LRP2: variants seen among roughly 807,000 people sequenced by gnomAD.
The protein encoded by LRP2 is low-density lipoprotein receptor-related protein 2.
LRP2 carries 172 observed loss-of-function variants against 531.0 expected under a neutral mutation model. The observed-to-expected ratio is 0.32, with a 90% CI of 0.29 to 0.37. The LOEUF (loss-of-function observed/expected upper bound fraction) is 0.37. LRP2 is among the 10% of genes least tolerant of loss of function. The pLI, the probability that LRP2 is intolerant of heterozygous loss-of-function variation, is 1.00. For synonymous variants in LRP2, 1,992 were observed against 2,027.6 expected (o/e 0.98, Z 0.47); for missense variants, 5,167 against 5,868.3 (o/e 0.88, Z 3.90).
intron 8 of LRP2, among the ~76,000 whole-genome samples, chr2:169,290,623 T>C (rs1204666707): frequency 1.3e-5 from 2 of 152,192 alleles, no homozygotes; most frequent in African/African-American, 4.8e-5. Flanking sequence ...CCCAAGCTTT[T>C]ACTGCAACAT....
rs187458883 is a variant in LRP2, at chr2:169,235,603, C to T, written c.4920+237G>A. On this transcript the variant is annotated intron_variant, in intron 29 of 78. Transcript: ENST00000649046. Reference sequence around the variant, plus strand: ...ACATCTGCAGCTCAACTAAATCACACGAGCTATAAAAATCCTTCCTGGATA... The same window carrying T: ...ACATCTGCAGCTCAACTAAATCACATGAGCTATAAAAATCCTTCCTGGATA... Among the ~76,000 whole-genome samples, 346 of 152,224 alleles carry T rather than the reference C, an allele frequency of 2.3e-3. 7 individuals are homozygous for T. The highest frequency in any genetic ancestry group is 3.8e-4 in the Non-Finnish European group (26 of 68,014).
chr2:169,326,450 G>A (rs1035528521), intron 1 of LRP2, among the ~76,000 whole-genome samples: 62 of 151,528 alleles, frequency 4.1e-4, no homozygotes, highest in African/African-American at 1.3e-3. Flanking sequence ...GCTCCTAACC[G>A]CGAGTGATCC....
At chr2:169,265,576 C>T (rs1574198166) in intron 16 of LRP2, among the ~76,000 whole-genome samples, 1 of 151,978 alleles carries the variant, frequency 6.6e-6, no homozygotes, top group Non-Finnish European at 1.5e-5. Context: ...CTCAGAATGG[C>T]ACTGGACTCA....
At chr2:169,204,329 A>C in intron 41 of LRP2, 58 bp from the exon 42 acceptor site, 1 of 1,541,380 alleles carries the variant, frequency 6.5e-7, no homozygotes. Flanking sequence ...TAAGTTTTCA[A>C]CTGGCAGCCC....
intron 3 of LRP2, among the ~76,000 whole-genome samples, chr2:169,312,405 CA>C (rs1460785407): frequency 2.0e-5 from 3 of 152,144 alleles, no homozygotes; most frequent in African/African-American, 7.2e-5. Flanking sequence ...CTGGTGGTGA[CA>C]AAATCTCTCA....
chr2:169,301,773 G>T (rs1049981209), intron 4 of LRP2, among the ~76,000 whole-genome samples: 3 of 151,976 alleles, frequency 2.0e-5, no homozygotes, highest in Non-Finnish European at 4.4e-5. Flanking sequence ...TCTTTGTTCT[G>T]TAAAGGAATG....
intron 60 of LRP2, among the ~76,000 whole-genome samples, 182 bp downstream of exon 60, chr2:169,169,520 C>T (rs1036862779): frequency 2.0e-5 from 3 of 152,208 alleles, no homozygotes; most frequent in South Asian, 2.1e-4. Flanking sequence ...TACACTTGAA[C>T]GGCCATTGTG....
intron 8 of LRP2, among the ~76,000 whole-genome samples, chr2:169,289,454 G>A (rs1369430000): frequency 1.3e-5 from 2 of 152,138 alleles, no homozygotes; most frequent in African/African-American, 2.4e-5. Context: ...CACTTTGGGA[G>A]GCCAAGGCAG....
intron 1 of LRP2, among the ~76,000 whole-genome samples, chr2:169,360,153 G>T (rs866804038): frequency 7.6e-6 from 1 of 132,038 alleles, no homozygotes; most frequent in Non-Finnish European, 1.6e-5. Flanking sequence ...AAAAAAGAGA[G>T]AGAGAGAGAG....
rs573312913 is a variant in LRP2, at chr2:169,258,993, T to C, written c.2513+32A>G. ...CAATGACTGTAAAAGACATACAGTTTCAAGCTCTTAGGAAAACATGAACAC... is the reference window on the plus strand; with the variant it reads ...CAATGACTGTAAAAGACATACAGTTCCAAGCTCTTAGGAAAACATGAACAC... On this transcript the variant is annotated intron_variant, in intron 17 of 78. Transcript: ENST00000649046. 3.7e-6 allele frequency: 6 copies of C among 1,603,752 alleles called. No homozygotes were observed. In the Admixed American group the frequency reaches 5.0e-5, roughly 13 times the overall value.
chr2:169,145,710 G>C, intron 70 of LRP2, 37 bp downstream of exon 70: 2 of 1,586,778 alleles, frequency 1.3e-6, no homozygotes, highest in Non-Finnish European at 1.7e-6. Flanking sequence ...AGATTTCCAA[G>C]TAATGAGGAG....
intron 1 of LRP2, among the ~76,000 whole-genome samples, chr2:169,345,905 C>T (rs1685686189): frequency 1.3e-5 from 2 of 152,156 alleles, no homozygotes; most frequent in African/African-American, 2.4e-5. Context: ...GTCTTTGATC[C>T]ACCAATGTGC....
chr2:169,277,638 C>T, intron 13 of LRP2, 107 bp downstream of exon 13: 2 of 1,014,708 alleles, frequency 2.0e-6, no homozygotes, highest in Non-Finnish European at 3.0e-6. Context: ...ATCATGTCCA[C>T]CAACAAAGCA....
intron 3 of LRP2, among the ~76,000 whole-genome samples, chr2:169,309,336 C>T (rs1684523465): frequency 6.6e-6 from 1 of 152,106 alleles, no homozygotes; most frequent in African/African-American, 2.4e-5. Context: ...AGGTTTTCTT[C>T]TAGGGTTTTT....
At chr2:169,258,977 T>C (rs756733618) in intron 17 of LRP2, 48 bp downstream of exon 17, 1 of 1,545,572 alleles carries the variant, frequency 6.5e-7, no homozygotes, top group South Asian at 1.1e-5. Context: ...TCAATGACTG[T>C]AAAAGACATA....
chr2:169,316,576 G>C (rs532350781), intron 3 of LRP2, among the ~76,000 whole-genome samples: 1 of 152,264 alleles, frequency 6.6e-6, no homozygotes, highest in South Asian at 2.1e-4. Context: ...GGAAAATCCA[G>C]TTCAGGAGGG....
At chr2:169,173,458 T>C (rs894980828) in intron 56 of LRP2, among the ~76,000 whole-genome samples, 3 of 152,178 alleles carry the variant, frequency 2.0e-5, no homozygotes, top group African/African-American at 7.2e-5. Context: ...ACTTTGTGGG[T>C]GGGGTTGGGG....
chr2:169,255,944 C>G (rs1158493217), intron 19 of LRP2, among the ~76,000 whole-genome samples, 162 bp downstream of exon 19: 1 of 146,964 alleles, frequency 6.8e-6, no homozygotes, highest in Non-Finnish European at 1.5e-5. Context: ...ACACCATCAA[C>G]AAACCAAATG....
chr2:169,136,358 A>G (rs1007489917), intron 76 of LRP2, among the ~76,000 whole-genome samples: 13 of 151,178 alleles, frequency 8.6e-5, no homozygotes, highest in African/African-American at 3.2e-4. Flanking sequence ...ATACTATTTT[A>G]TGTTATTTTT....
Sources: allele counts gnomAD v4.1 joint callset (sites outside exome capture counted in the v4.1 genomes callset), GRCh38; gene constraint gnomAD v4.1.1; transcripts MANE v1.5; gene names NCBI Gene and HGNC (gene_info 2026-07-23, HGNC 2026-07-21).